Variants in ACOXL observed in about 807,000 individuals in gnomAD.
The protein encoded by ACOXL is acyl-coenzyme A oxidase-like protein.
In ACOXL, 70 loss-of-function variants were observed where a neutral mutation model predicts 71.9. That is an observed-to-expected ratio of 0.97 (90% confidence interval 0.80 to 1.19). The LOEUF (loss-of-function observed/expected upper bound fraction) is 1.19. ACOXL is among the 50% of genes most tolerant of loss of function. The pLI is 0.00. For synonymous variants in ACOXL, 253 were observed against 281.6 expected, an observed-to-expected ratio of 0.90 and a Z score of 1.02; for missense variants, 703 against 736.3, an observed-to-expected ratio of 0.95 and a Z score of 0.52.
At chr2:111,062,644 G>A (rs550172314) in intron 16 of ACOXL, among the ~76,000 whole-genome samples, 5 of 151,994 alleles carry the variant, frequency 3.3e-5, no homozygotes, top group East Asian at 1.9e-4. Context: ...AATACAACAC[G>A]TCAAATTGGT....
At chr2:111,042,194 C>T (rs1440853596) in intron 15 of ACOXL, among the ~76,000 whole-genome samples, 1 of 152,234 alleles carries the variant, frequency 6.6e-6, no homozygotes, top group Non-Finnish European at 1.5e-5. Flanking sequence ...GGCATTTTGC[C>T]TGCCTAGGGA....
At chr2:110,752,816 A>G (rs13418320) in intron 1 of ACOXL, among the ~76,000 whole-genome samples, 192 of 152,086 alleles carry the variant, frequency 1.3e-3, no homozygotes, top group African/African-American at 4.5e-3. Flanking sequence ...ACCCCAATAT[A>G]TATTGTCTCA....
chr2:110,743,175 G>A (rs1036045847), intron 1 of ACOXL, among the ~76,000 whole-genome samples: 2 of 152,316 alleles, frequency 1.3e-5, no homozygotes, highest in East Asian at 3.9e-4. Flanking sequence ...TGTATCTGGT[G>A]GCTTAGCATG....
Position 110,901,568 on chromosome 2 carries a change from G to A in ACOXL, c.789-7221G>A, listed in dbSNP as rs1355040609. 2.0e-5 allele frequency among the ~76,000 whole-genome samples: 3 copies of A among 152,058 alleles called. No individual in the cohort carries two copies. The East Asian group carries it at 5.8e-4, about 29-fold the overall frequency. Reference sequence around the variant, plus strand: ...CTCAAGGATCTGAAGGGCACTTTGAGAACTCTTTCCTGGGGCCATTTTGTG... The same window carrying A: ...CTCAAGGATCTGAAGGGCACTTTGAAAACTCTTTCCTGGGGCCATTTTGTG... On this transcript the variant is annotated intron_variant, in intron 10 of 17. Coordinates refer to ENST00000439055, the MANE Select transcript of ACOXL (RefSeq NM_001142807.4).
At chr2:111,065,102 A>G (rs1218566486) in intron 16 of ACOXL, among the ~76,000 whole-genome samples, 1 of 152,222 alleles carries the variant, frequency 6.6e-6, no homozygotes, top group Admixed American at 6.5e-5. Flanking sequence ...CAATTTTAAG[A>G]CATATAACTA....
intron 12 of ACOXL, among the ~76,000 whole-genome samples, chr2:110,938,494 CTT>C (rs1020768837): frequency 6.6e-6 from 1 of 152,212 alleles, no homozygotes; most frequent in African/African-American, 2.4e-5. Context: ...GCTATTCTCA[CTT>C]ATTTCCATTT....
intron 12 of ACOXL, among the ~76,000 whole-genome samples, chr2:110,986,021 A>G (rs1373219539): frequency 3.9e-5 from 6 of 152,210 alleles, no homozygotes; most frequent in African/African-American, 9.7e-5. Context: ...AAATATGACT[A>G]TGCTATTTGT....
intron 15 of ACOXL, among the ~76,000 whole-genome samples, chr2:111,035,711 A>T (rs960359389): frequency 2.0e-5 from 3 of 152,232 alleles, no homozygotes; most frequent in Non-Finnish European, 4.4e-5. Flanking sequence ...GATTAATTTC[A>T]GACTCCTCTC....
At chr2:111,109,923 C>T (rs561676551) in intron 17 of ACOXL, among the ~76,000 whole-genome samples, 2 of 152,136 alleles carry the variant, frequency 1.3e-5, no homozygotes, top group Non-Finnish European at 2.9e-5. Flanking sequence ...AAGCAATCCA[C>T]CCGCCTCAGC....
intron 1 of ACOXL, among the ~76,000 whole-genome samples, chr2:110,745,843 C>A (rs1678127172): frequency 6.6e-6 from 1 of 152,188 alleles, no homozygotes; most frequent in African/African-American, 2.4e-5. Flanking sequence ...TAGCTAAAGT[C>A]ATTCTTACTG....
intron 10 of ACOXL, among the ~76,000 whole-genome samples, chr2:110,902,767 G>T (rs903219666): frequency 2.6e-5 from 4 of 152,224 alleles, no homozygotes; most frequent in African/African-American, 9.6e-5. Context: ...GTATGTCTAG[G>T]AGTGCCCCAG....
At chr2:111,114,821 A>C (rs757205486) in intron 17 of ACOXL, among the ~76,000 whole-genome samples, 10 of 151,850 alleles carry the variant, frequency 6.6e-5, no homozygotes, top group Non-Finnish European at 1.3e-4. Flanking sequence ...TAAATTGAGT[A>C]CTGCAACTAG....
At chr2:110,738,179 G>A (rs1055152237) in intron 1 of ACOXL, among the ~76,000 whole-genome samples, 11 of 152,198 alleles carry the variant, frequency 7.2e-5, no homozygotes, top group Non-Finnish European at 1.2e-4. Context: ...GTAAAGAGAT[G>A]CTAACATTCC....
chr2:111,009,147 A>G (rs986911808), intron 14 of ACOXL, among the ~76,000 whole-genome samples: 2 of 152,202 alleles, frequency 1.3e-5, no homozygotes, highest in Admixed American at 6.5e-5. Flanking sequence ...TCACAGAAAA[A>G]GCCTTTCCCT....
intron 12 of ACOXL, among the ~76,000 whole-genome samples, chr2:110,935,925 G>A (rs557063874): frequency 1.3e-5 from 2 of 152,122 alleles, no homozygotes; most frequent in Non-Finnish European, 2.9e-5. Context: ...TCAGGCTTTC[G>A]ATTCTCATGA....
chr2:110,871,627 T>C (rs1200713091), intron 10 of ACOXL, among the ~76,000 whole-genome samples: 1 of 152,044 alleles, frequency 6.6e-6, no homozygotes, highest in Non-Finnish European at 1.5e-5. Flanking sequence ...AAGGTGAAGT[T>C]CAAGTTCAAG....
At chr2:111,081,778 C>A (rs1221783573) in intron 16 of ACOXL, among the ~76,000 whole-genome samples, 1 of 152,198 alleles carries the variant, frequency 6.6e-6, no homozygotes, top group Non-Finnish European at 1.5e-5. Flanking sequence ...AACTATACTA[C>A]AAGGCTACAG....
intron 14 of ACOXL, among the ~76,000 whole-genome samples, chr2:111,028,431 C>A (rs2065114305): frequency 6.6e-6 from 1 of 151,908 alleles, no homozygotes; most frequent in Non-Finnish European, 1.5e-5. Flanking sequence ...GCTGGGTTTG[C>A]AGGTTTAAGC....
intron 17 of ACOXL, among the ~76,000 whole-genome samples, chr2:111,110,103 T>A (rs929730594): frequency 2.6e-5 from 4 of 152,222 alleles, no homozygotes; most frequent in African/African-American, 9.6e-5. Context: ...GGGTCACATT[T>A]TCCTGCTTCT....
Sources: gnomAD v4.1 joint callset for allele counts (sites outside exome capture counted in the v4.1 genomes callset) on GRCh38, gnomAD v4.1.1 for gene constraint, MANE v1.5 for transcripts, NCBI Gene and HGNC (gene_info 2026-07-23, HGNC 2026-07-21) for gene names.